YES1: variants seen among roughly 807,000 people sequenced by gnomAD.
YES1 encodes tyrosine-protein kinase Yes.
Under a neutral mutation model 70.4 loss-of-function variants are expected in YES1, and 39 were observed. That is an observed-to-expected ratio of 0.55 (90% CI 0.43 to 0.72). The LOEUF (loss-of-function observed/expected upper bound fraction) is 0.72, where lower values mean the gene tolerates loss of function less well. Ranked by LOEUF, YES1 falls within the 30% of genes least tolerant of loss-of-function variation. The pLI is 0.00. For synonymous variants in YES1, 198 were observed against 218.6 expected (o/e 0.91, Z 0.83); for missense variants, 495 against 644.8 (o/e 0.77, Z 2.52).
At chr18:769,495 T>G (rs866735386) in intron 1 of YES1, among the ~76,000 whole-genome samples, 2 of 152,194 alleles carry the variant, frequency 1.3e-5, no homozygotes, top group Non-Finnish European at 2.9e-5. Flanking sequence ...TATGCCTTGG[T>G]TCTCAATCTT....
chr18:791,259 A>G (rs1473848592), intron 1 of YES1, among the ~76,000 whole-genome samples: 1 of 151,268 alleles, frequency 6.6e-6, no homozygotes, highest in Admixed American at 6.6e-5. Flanking sequence ...AAGAAAAAAA[A>G]AAGAAAAAAA....
chr18:743,165 A>T, intron 7 of YES1, 68 bp from the exon 8 acceptor site: 2 of 1,549,060 alleles, frequency 1.3e-6, no homozygotes, highest in Non-Finnish European at 8.7e-7. Context: ...AGTGAACAGC[A>T]CTTCTCTTAA....
In YES1 at chr18:747,863, T is replaced by G; in HGVS notation, c.470+57A>C. 2.0e-6 allele frequency: 3 copies of G among 1,509,686 alleles called. No homozygotes were observed. In the South Asian group the frequency reaches 3.4e-5, roughly 17 times the overall value. 93.5% of individuals were successfully genotyped at this position (1,509,686 alleles called of 1,614,324 possible). ...TGTAAAGTTGTGGCTAAGTAGAATG[T>G]GCATTAAAACATTTCAAAAATCAAA... On this transcript the variant is annotated intron_variant, in intron 4 of 11. Transcript: ENST00000314574.
intron 1 of YES1, among the ~76,000 whole-genome samples, chr18:806,223 C>T (rs1000060924): frequency 6.6e-6 from 1 of 152,138 alleles, no homozygotes; most frequent in Non-Finnish European, 1.5e-5. Context: ...TTCAGCATAA[C>T]TTGGACTTTC....
At chr18:800,939 A>G (rs570888142) in intron 1 of YES1, among the ~76,000 whole-genome samples, 1 of 152,192 alleles carries the variant, frequency 6.6e-6, no homozygotes, top group East Asian at 1.9e-4. Flanking sequence ...CGAGGTCAGG[A>G]GATCGAGACC....
chr18:737,611 G>C (rs2080168489), intron 9 of YES1, among the ~76,000 whole-genome samples: 1 of 152,178 alleles, frequency 6.6e-6, no homozygotes, highest in Non-Finnish European at 1.5e-5. Flanking sequence ...AAGATGACAT[G>C]GTGATAAAGG....
At chr18:784,047 T>C (rs1241343429) in intron 1 of YES1, among the ~76,000 whole-genome samples, 1 of 152,196 alleles carries the variant, frequency 6.6e-6, no homozygotes, top group Non-Finnish European at 1.5e-5. Flanking sequence ...TTTCCCCAAA[T>C]TTCATACTGG....
chr18:730,454 C>T (rs62091707), intron 11 of YES1, among the ~76,000 whole-genome samples: 17,871 of 151,626 alleles, frequency 0.12, 1,132 homozygotes, highest in East Asian at 0.28. Context: ...AAGCGATCCA[C>T]CCACCTTAGC....
At chr18:752,686 T>C (rs1308352087) in intron 2 of YES1, among the ~76,000 whole-genome samples, 5 of 152,186 alleles carry the variant, frequency 3.3e-5, no homozygotes, top group African/African-American at 1.2e-4. Flanking sequence ...TTCACGTCTG[T>C]AATCTCAGCA....
At chr18:791,866 C>A (rs532618) in intron 1 of YES1, among the ~76,000 whole-genome samples, 2 of 151,684 alleles carry the variant, frequency 1.3e-5, no homozygotes, top group African/African-American at 2.4e-5. Flanking sequence ...AACAGCCTGA[C>A]CAACATGGTG....
At chr18:780,006 G>A (rs1389694546) in intron 1 of YES1, among the ~76,000 whole-genome samples, 2 of 151,894 alleles carry the variant, frequency 1.3e-5, no homozygotes, top group Non-Finnish European at 2.9e-5. Context: ...GGCTGAGGAG[G>A]GTAGATTACC....
chr18:764,215 A>G (rs1598916977), intron 1 of YES1, among the ~76,000 whole-genome samples: 1 of 152,036 alleles, frequency 6.6e-6, no homozygotes, highest in African/African-American at 2.4e-5. Context: ...GCTGACTCCA[A>G]AGTTTCCAGT....
intron 1 of YES1, among the ~76,000 whole-genome samples, chr18:773,274 G>A (rs551685650): frequency 6.6e-6 from 1 of 152,308 alleles, no homozygotes; most frequent in East Asian, 1.9e-4. Flanking sequence ...CCAGAGGGAG[G>A]AGTCAGGTCA....
intron 1 of YES1, among the ~76,000 whole-genome samples, chr18:782,669 T>A (rs373827705): frequency 6.6e-6 from 1 of 152,220 alleles, no homozygotes; most frequent in South Asian, 2.1e-4. Flanking sequence ...ATAAAACATG[T>A]AAAAAGGATT....
chr18:794,733 C>A (rs1906451479), intron 1 of YES1, among the ~76,000 whole-genome samples: 1 of 152,184 alleles, frequency 6.6e-6, no homozygotes. Flanking sequence ...TCCTGGCTTA[C>A]AGGTGCATCC....
At chr18:777,431 T>A (rs1905436272) in intron 1 of YES1, among the ~76,000 whole-genome samples, 2 of 152,216 alleles carry the variant, frequency 1.3e-5, no homozygotes, top group Admixed American at 6.5e-5. Context: ...ACTTGTAGGT[T>A]TTCCAACTAT....
intron 11 of YES1, among the ~76,000 whole-genome samples, chr18:725,845 T>C (rs1215124337): frequency 3.3e-5 from 5 of 151,890 alleles, no homozygotes; most frequent in Non-Finnish European, 5.9e-5. Context: ...GATTGCGCCA[T>C]AGCACTCCAG....
In YES1 at chr18:746,065, A is replaced by T; in HGVS notation, c.471-14T>A. 6.3e-7 allele frequency: 1 copy of T among 1,595,150 alleles called. No homozygotes were observed. ...CCAAAATACCATCTGGAAAAAAATT[A>T]AGTGTTTTGAATTGAAAAGTATGAG... On this transcript the variant is annotated splice_polypyrimidine_tract_variant and intron_variant, in intron 4 of 11. Transcript: ENST00000314574.
At position 724,465 on chromosome 18, in the gene YES1, T is replaced by C; in HGVS notation, c.1591A>G (p.Thr531Ala). The change falls in exon 12 of 12, where the codon ACT (threonine) becomes GCT (alanine). Residue 531 changes from threonine to alanine, a missense_variant. Around this residue, in one of 2 missense-constraint regions of YES1, gnomAD observed 385 missense variants for 540.9 expected, o/e 0.71. Coordinates refer to ENST00000314574, the MANE Select transcript of YES1 (RefSeq NM_005433.4). The part of the protein sequence containing the change: ...YIQSFLEDYF[T>A]ATEPQYQPGE... ...GGCTGGTACTGTGGCTCTGTAGCAG[T>C]GAAGTAGTCTTCCAAGAAGGACTGA... 1.9e-6 allele frequency: 3 copies of C among 1,614,198 alleles called. No homozygotes were observed. The South Asian group carries it at 3.3e-5, about 18-fold the overall frequency.
Sources: allele counts gnomAD v4.1 joint callset (sites outside exome capture counted in the v4.1 genomes callset), GRCh38; gene constraint gnomAD v4.1.1; regional missense constraint gnomAD v4.1.1; transcripts MANE v1.5; gene names NCBI Gene and HGNC (gene_info 2026-07-23, HGNC 2026-07-21).